The following GPR158 variants were observed in gnomAD, a reference collection of about 807,000 sequenced individuals.
GPR158 encodes the protein metabotropic glycine receptor.
In GPR158, 30 loss-of-function variants were observed where a neutral mutation model predicts 78.2. The ratio of observed to expected loss-of-function variants is 0.38; its 90% CI spans 0.29 to 0.52. The LOEUF (loss-of-function observed/expected upper bound fraction) is 0.52. GPR158 is among the 20% of genes least tolerant of loss of function. GPR158 has a pLI of 0.83. For synonymous variants in GPR158, 581 were observed against 591.1 expected, an observed-to-expected ratio of 0.98 and a Z score of 0.25; for missense variants, 1,463 against 1,523.5, an observed-to-expected ratio of 0.96 and a Z score of 0.66.
chr10:25,276,727 G>A (rs532038390), intron 2 of GPR158, among the ~76,000 whole-genome samples: 19 of 152,238 alleles, frequency 1.2e-4, no homozygotes, highest in African/African-American at 4.6e-4. Context: ...TGAGCACAGA[G>A]ACCATTTTTA....
chr10:25,409,936 T>G (rs751284672), intron 3 of GPR158, among the ~76,000 whole-genome samples: 2 of 152,218 alleles, frequency 1.3e-5, no homozygotes, highest in Non-Finnish European at 1.5e-5. Flanking sequence ...ACTTAAGCCT[T>G]GACAACTTAG....
chr10:25,356,276 G>A (rs1855550262), intron 2 of GPR158, among the ~76,000 whole-genome samples: 2 of 151,928 alleles, frequency 1.3e-5, no homozygotes, highest in Admixed American at 1.3e-4. Context: ...TGAGTTCTGG[G>A]GTATTGCTGA....
intron 2 of GPR158, among the ~76,000 whole-genome samples, chr10:25,369,037 C>A (rs58651233): frequency 0.14 from 21,179 of 150,882 alleles, 1,812 homozygotes; most frequent in African/African-American, 0.24. Context: ...TGAGACTTTG[C>A]TGAAGTTGCT....
intron 2 of GPR158, among the ~76,000 whole-genome samples, chr10:25,350,489 G>A (rs1043982490): frequency 3.9e-4 from 59 of 151,760 alleles, no homozygotes; most frequent in African/African-American, 1.4e-3. Context: ...ACATAGTATC[G>A]AAGGTCATAT....
intron 2 of GPR158, among the ~76,000 whole-genome samples, chr10:25,261,361 T>G (rs1853964842): frequency 6.6e-6 from 1 of 152,140 alleles, no homozygotes. Context: ...CTGACCTACT[T>G]CTTCAAACCA....
intron 1 of GPR158, among the ~76,000 whole-genome samples, chr10:25,213,513 T>C (rs894949262): frequency 6.6e-6 from 1 of 152,166 alleles, no homozygotes; most frequent in East Asian, 1.9e-4. Context: ...TAAACATTTG[T>C]TTAGCCCATA....
At chr10:25,460,777 T>A (rs1046284487) in intron 4 of GPR158, among the ~76,000 whole-genome samples, 1 of 152,216 alleles carries the variant, frequency 6.6e-6, no homozygotes, top group Non-Finnish European at 1.5e-5. Context: ...ACAGATACCA[T>A]GTGTCTTACA....
At chr10:25,437,679 C>T (rs74634255) in intron 4 of GPR158, among the ~76,000 whole-genome samples, 2,617 of 152,252 alleles carry the variant, frequency 0.017, 67 homozygotes, top group African/African-American at 0.051. Flanking sequence ...ATTATGAAGT[C>T]GTTGAGAACT....
chr10:25,558,542 G>A (rs1836817511), intron 6 of GPR158, among the ~76,000 whole-genome samples: 1 of 152,150 alleles, frequency 6.6e-6, no homozygotes, highest in African/African-American at 2.4e-5. Context: ...GCACCTCCCT[G>A]CTGTCGCCTG....
At chr10:25,241,289 CTTTTCTTTTCT>C (rs1564399585) in intron 2 of GPR158, among the ~76,000 whole-genome samples, 13 of 103,252 alleles carry the variant, frequency 1.3e-4, no homozygotes, top group African/African-American at 3.4e-4. Context: ...TCTTTCTTTT[CTTTTCTTTTCT>C]TTTCTTTTCT....
Position 25,241,372 on chromosome 10 carries a change from C to CTCTTCTCTTCTCT in GPR158, c.1008+20218_1008+20219insTCTCTTCTCTTCT, listed in dbSNP as rs1554787300. ...TCTCTTTTCTTTTCTCTTTTCTTTT[C>CTCTTCTCTTCTCT]TCTCTTCTCTTCTCTTCTCTTCTCT... On this transcript the variant is annotated intron_variant, in intron 2 of 10. Transcript: ENST00000376351. 1.1e-3 allele frequency among the ~76,000 whole-genome samples: 112 copies of CTCTTCTCTTCTCT among 102,932 alleles called. 3 individuals are homozygous for CTCTTCTCTTCTCT. Among genetic ancestry groups the CTCTTCTCTTCTCT allele is most frequent in the African/African-American group, 3.8e-3 (69 of 18,078 alleles). The allele number at this position is 102,932 out of a possible 152,430, so 67.5% of individuals were successfully genotyped here.
intron 2 of GPR158, among the ~76,000 whole-genome samples, chr10:25,237,007 A>T (rs1186068842): frequency 6.6e-6 from 1 of 152,142 alleles, no homozygotes; most frequent in African/African-American, 2.4e-5. Flanking sequence ...GAGACTCAGA[A>T]ATTTTAAGAA....
At chr10:25,304,203 C>T (rs556675539) in intron 2 of GPR158, among the ~76,000 whole-genome samples, 8 of 151,690 alleles carry the variant, frequency 5.3e-5, no homozygotes, top group African/African-American at 1.9e-4. Context: ...TTTGGAAATA[C>T]CTGGCTTTGA....
intron 2 of GPR158, among the ~76,000 whole-genome samples, chr10:25,388,226 G>T (rs1834247947): frequency 6.6e-6 from 1 of 152,216 alleles, no homozygotes; most frequent in Admixed American, 6.5e-5. Context: ...GCAATCGTGG[G>T]CCATCCAGAG....
rs181671158 is a variant in GPR158 at position 25,526,754 on chromosome 10, G to A, written c.1405-24222G>A. Among the ~76,000 whole-genome samples, 5 of 152,306 alleles carry A rather than the reference G, an allele frequency of 3.3e-5. 1 individual carries two copies. The South Asian group carries it at 6.2e-4, about 19-fold the overall frequency. On this transcript the variant is annotated intron_variant, in intron 5 of 10. Transcript: ENST00000376351. Reference sequence around the variant, plus strand: ...AGGAATTTGCTGAGTTACATAGGCAGAGCTGGTCCACAGATGCCAGACAAT... The same window carrying A: ...AGGAATTTGCTGAGTTACATAGGCAAAGCTGGTCCACAGATGCCAGACAAT...
intron 4 of GPR158, among the ~76,000 whole-genome samples, chr10:25,462,503 G>A (rs974904950): frequency 2.6e-5 from 4 of 152,138 alleles, no homozygotes; most frequent in South Asian, 4.1e-4. Context: ...TAAGGCGATC[G>A]TTGCCATAGT....
chr10:25,356,918 A>G (rs1218458127), intron 2 of GPR158, among the ~76,000 whole-genome samples: 1 of 152,092 alleles, frequency 6.6e-6, no homozygotes, highest in Non-Finnish European at 1.5e-5. Context: ...AGACAGGAAA[A>G]TGTGGGAGAG....
At chr10:25,573,466 G>A (rs747800725) in intron 7 of GPR158, among the ~76,000 whole-genome samples, 24 of 152,194 alleles carry the variant, frequency 1.6e-4, no homozygotes, top group Non-Finnish European at 3.2e-4. Context: ...TAAGTGCTAC[G>A]TGGCTGAGAA....
chr10:25,355,180 G>A (rs1406163716), intron 2 of GPR158, among the ~76,000 whole-genome samples: 1 of 151,826 alleles, frequency 6.6e-6, no homozygotes, highest in East Asian at 1.9e-4. Context: ...TTGAACACTG[G>A]TAATTCTAGC....
Sources: gnomAD v4.1 joint callset for allele counts (sites outside exome capture counted in the v4.1 genomes callset) on GRCh38, gnomAD v4.1.1 for gene constraint, MANE v1.5 for transcripts, NCBI Gene and HGNC (gene_info 2026-07-23, HGNC 2026-07-21) for gene names.